The following PIK3R5 variants were observed in gnomAD, a reference collection of about 807,000 sequenced individuals.
The protein encoded by PIK3R5 is phosphoinositide-3-kinase regulatory subunit 5, also known as phosphoinositide 3-kinase regulatory subunit 5.
In PIK3R5, 32 loss-of-function variants were observed where a neutral mutation model predicts 94.9. That is an observed-to-expected ratio of 0.34 (90% confidence interval 0.25 to 0.45). The LOEUF (loss-of-function observed/expected upper bound fraction) is 0.45. Ranked by LOEUF, PIK3R5 falls within the 20% of genes least tolerant of loss-of-function variation. The pLI, the probability that PIK3R5 is intolerant of heterozygous loss-of-function variation, is 1.00. For missense variants in PIK3R5, 853 were observed against 1,144.6 expected, an observed-to-expected ratio of 0.75 and a Z score of 3.68; for synonymous variants, 443 against 479.4, an observed-to-expected ratio of 0.92 and a Z score of 0.99.
intron 1 of PIK3R5, among the ~76,000 whole-genome samples, chr17:8,964,189 T>C (rs866997685): frequency 6.6e-5 from 10 of 152,130 alleles, no homozygotes; most frequent in African/African-American, 2.4e-4. Flanking sequence ...TCAAGGAATT[T>C]GGGACCAACC....
chr17:8,900,574 T>C (rs1217760048), intron 5 of PIK3R5, among the ~76,000 whole-genome samples: 1 of 152,192 alleles, frequency 6.6e-6, no homozygotes, highest in East Asian at 1.9e-4. Context: ...AAGCTTCACA[T>C]GGTCCCGGGA....
chr17:8,914,747 G>T (rs1334104739), intron 1 of PIK3R5, among the ~76,000 whole-genome samples: 1 of 152,246 alleles, frequency 6.6e-6, no homozygotes, highest in Non-Finnish European at 1.5e-5. Context: ...GGGCAGAGGG[G>T]GCATCTTGCA....
At chr17:8,903,601 C>T (rs2090336836) in intron 5 of PIK3R5, among the ~76,000 whole-genome samples, 2 of 151,602 alleles carry the variant, frequency 1.3e-5, no homozygotes, top group Admixed American at 6.6e-5. Flanking sequence ...CACCTGGTCT[C>T]GTTACAATAT....
chr17:8,965,029 AC>A (rs549101497), intron 1 of PIK3R5, among the ~76,000 whole-genome samples: 106 of 151,348 alleles, frequency 7.0e-4, no homozygotes, highest in African/African-American at 2.5e-3. Context: ...ACACACACAC[AC>A]GAGTCACGCG....
chr17:8,907,747 C>T (rs1451304693), intron 3 of PIK3R5, among the ~76,000 whole-genome samples: 1 of 152,140 alleles, frequency 6.6e-6, no homozygotes, highest in East Asian at 1.9e-4. Context: ...TCAAGCAATC[C>T]TGCCTCAGCC....
At chr17:8,905,616 T>TC in intron 4 of PIK3R5, 53 bp downstream of exon 4, 1 of 1,369,300 alleles carries the variant, frequency 7.3e-7, no homozygotes, top group Non-Finnish European at 1.0e-6. Flanking sequence ...CAGATAGAGG[T>TC]CGCTCCTCCC....
In PIK3R5 at chr17:8,892,766, C is replaced by G. The variant is rs1229123633; in HGVS notation, c.482+820G>C. Among the ~76,000 whole-genome samples the G allele has an allele frequency of 3.9e-5, 6 of 152,092 alleles. No homozygotes were observed. The highest frequency in any genetic ancestry group is 1.3e-4 in the Admixed American group (2 of 15,272). On this transcript the variant is annotated intron_variant, in intron 6 of 18. Coordinates refer to ENST00000447110, the MANE Select transcript of PIK3R5 (RefSeq NM_001142633.3). The surrounding 1 kb of genome is among the most constrained non-coding windows in gnomAD (Gnocchi z 4.3). The stretch of plus-strand genomic sequence containing the variant: ...CTCAGGGGAGTGAGTGGGAAGTGAA[C>G]CCCTGGGGCTGGGAATGAGGAGGGC...
chr17:8,927,095 C>T (rs569983825), intron 1 of PIK3R5, among the ~76,000 whole-genome samples: 44 of 152,146 alleles, frequency 2.9e-4, no homozygotes, highest in Non-Finnish European at 5.6e-4. Context: ...TGGGTGAGTT[C>T]CCTGGCTTCT....
chr17:8,880,747 G>A lies in PIK3R5; in HGVS notation c.2535C>T (p.Asp845=). ...VSPCYKPEKS[D]LSSPPQTPPD... is the part of the protein sequence containing the mutation. ...GAGGCGTCTGGGGTGGTGAGGAGAG[G>A]TCGCTCTTCTCTGGCTTGTAGCACG... Residue 845 remains aspartate, a synonymous_variant, in exon 19 of 19, where the codon GAC becomes GAT. Coordinates refer to ENST00000447110, the MANE Select transcript of PIK3R5 (RefSeq NM_001142633.3). The A allele has an allele frequency of 1.9e-6, 3 of 1,613,894 alleles. No individual in the cohort carries two copies. Among genetic ancestry groups the A allele is most frequent in the Non-Finnish European group, 1.7e-6 (2 of 1,179,864 alleles).
In PIK3R5 at chr17:8,925,010, T is replaced by C. The variant is rs1329267593; in HGVS notation, c.-13-13503A>G. Among the ~76,000 whole-genome samples the C allele has an allele frequency of 6.6e-6, 1 of 151,996 alleles. No individual in the cohort carries two copies. Among genetic ancestry groups the C allele is most frequent in the African/African-American group, 2.4e-5 (1 of 41,316 alleles). On this transcript the variant is annotated intron_variant, in intron 1 of 18. Transcript: ENST00000447110. This position sits in a 1 kb window ranked among gnomAD's most constrained non-coding sequence, Gnocchi z 5.1. ...CAAATATACCAGATAGATAGTTAGA[T>C]AGTAGATGGATAGATAGATAGATAG...
chr17:8,897,130 G>A (rs1379382173), intron 5 of PIK3R5, among the ~76,000 whole-genome samples: 5 of 152,218 alleles, frequency 3.3e-5, no homozygotes, highest in Admixed American at 2.0e-4. Flanking sequence ...GAGGCTGGAG[G>A]AATTGGGGAC....
rs61759582 is a variant in PIK3R5, at chr17:8,907,195, T to C, written c.205-1458A>G. On this transcript the variant is annotated intron_variant, in intron 3 of 18. Coordinates refer to ENST00000447110, the MANE Select transcript of PIK3R5 (RefSeq NM_001142633.3). ...CGTGCCACCATACCCAGCTAATTTT[T>C]GTATTTTTTTTTTTTTTAGTAGAGA... is the stretch of plus-strand genomic sequence containing the variant. 9.3e-3 allele frequency among the ~76,000 whole-genome samples: 1,389 copies of C among 148,674 alleles called. 27 individuals are homozygous for C. Among genetic ancestry groups the C allele is most frequent in the African/African-American group, 0.034 (1,344 of 40,080 alleles).
At position 8,921,137 on chromosome 17, in the gene PIK3R5, G is replaced by A. The variant is rs28460027; in HGVS notation, c.-13-9630C>T. On this transcript the variant is annotated intron_variant, in intron 1 of 18. Transcript: ENST00000447110. ...ATTACAGGCATGAGCCACTGCACCC[G>A]GCCTGTATTAAATATTTTATACTAC... Among the ~76,000 whole-genome samples, 10 of 152,160 alleles carry A rather than the reference G, an allele frequency of 6.6e-5. No individual in the cohort carries two copies. The South Asian group carries it at 1.2e-3, about 19-fold the overall frequency.
chr17:8,941,678 G>A (rs958510841), intron 1 of PIK3R5, among the ~76,000 whole-genome samples: 4 of 152,178 alleles, frequency 2.6e-5, no homozygotes, highest in African/African-American at 7.2e-5. Flanking sequence ...AGGATGTGGC[G>A]GGGCAGGCGG....
chr17:8,881,762 C>T lies in PIK3R5; in HGVS notation c.2299+26G>A. ...AGGCTCAGAGCACCTCCCTACTGCA[C>T]ACCCCACACTGACCACCCCACTCAC... is the stretch of plus-strand genomic sequence containing the variant. On this transcript the variant is annotated intron_variant, in intron 16 of 18. Transcript: ENST00000447110. This position sits in a 1 kb window ranked among gnomAD's most constrained non-coding sequence, Gnocchi z 4.8. 2 of 1,612,818 alleles carry T rather than the reference C, an allele frequency of 1.2e-6. No homozygotes were observed. Among genetic ancestry groups the T allele is most frequent in the African/African-American group, 1.3e-5 (1 of 74,998 alleles).
intron 6 of PIK3R5, 118 bp from the exon 7 acceptor site, chr17:8,891,030 A>T: frequency 1.0e-6 from 1 of 974,452 alleles, no homozygotes; most frequent in Non-Finnish European, 1.5e-6. Flanking sequence ...CCTCAAGCCC[A>T]GGCAGAGCTC....
At chr17:8,903,878 C>T (rs1187477025) in intron 5 of PIK3R5, among the ~76,000 whole-genome samples, 1 of 152,206 alleles carries the variant, frequency 6.6e-6, no homozygotes, top group South Asian at 2.1e-4. Context: ...TAAAATTTCT[C>T]TTCTTCAGAA....
chr17:8,886,649 G>A (rs1178869327), intron 12 of PIK3R5, 44 bp from the exon 13 acceptor site: 2 of 1,539,506 alleles, frequency 1.3e-6, no homozygotes, highest in Non-Finnish European at 1.7e-6. Flanking sequence ...TGGGTGGGTG[G>A]ATAGATGGTA....
chr17:8,927,256 C>A (rs1256127062), intron 1 of PIK3R5, among the ~76,000 whole-genome samples: 1 of 152,230 alleles, frequency 6.6e-6, no homozygotes, highest in African/African-American at 2.4e-5. Context: ...CACTTTTAGA[C>A]AATACCTGCT....
Sources: allele counts gnomAD v4.1 joint callset (sites outside exome capture counted in the v4.1 genomes callset), GRCh38; gene constraint gnomAD v4.1.1; non-coding constraint Gnocchi (gnomAD v3.1); transcripts MANE v1.5; gene names NCBI Gene and HGNC (gene_info 2026-07-23, HGNC 2026-07-21).